Variants in JKAMP observed in about 807,000 individuals in gnomAD.
The protein encoded by JKAMP is JNK1/MAPK8-associated membrane protein.
In JKAMP, 20 loss-of-function variants were observed where a neutral mutation model predicts 40.2. The observed-to-expected ratio is 0.50, with a 90% CI of 0.35 to 0.72. The LOEUF is 0.72. Among genes scored for constraint, JKAMP ranks in the 30% least tolerant of loss-of-function variants. The probability of loss-of-function intolerance (pLI) is 0.01; values close to 1 mark genes in which losing one functional copy is unlikely to be tolerated. For missense variants in JKAMP, 276 were observed against 373.0 expected (o/e 0.74, Z 2.14); for synonymous variants, 138 against 131.6 (o/e 1.05, Z -0.33).
intron 4 of JKAMP, among the ~76,000 whole-genome samples, chr14:59,497,771 G>A (rs1387955291): frequency 1.3e-5 from 2 of 152,094 alleles, no homozygotes; most frequent in Non-Finnish European, 2.9e-5. Context: ...ATGCATTACT[G>A]TACAGGACTG....
intron 3 of JKAMP, among the ~76,000 whole-genome samples, chr14:59,494,653 G>C (rs763900489): frequency 1.4e-4 from 22 of 152,180 alleles, no homozygotes; most frequent in Non-Finnish European, 2.2e-4. Flanking sequence ...CAGTGTTCTA[G>C]TTATTGGGTA....
intron 3 of JKAMP, 77 bp from the exon 4 acceptor site, chr14:59,494,941 G>T: frequency 1.0e-6 from 1 of 988,910 alleles, no homozygotes; most frequent in Non-Finnish European, 1.6e-6. Flanking sequence ...TCTGTATCTT[G>T]ACACATGTAC....
At chr14:59,485,056 CGTTCGCTAAAGGAAAT>C (rs1566571007) in intron 1 of JKAMP, 1 of 1,598,360 alleles carries the variant, frequency 6.3e-7, no homozygotes, top group Admixed American at 1.7e-5. Flanking sequence ...CTTTAGCCAT[CGTTCGCTAAAGGAAAT>C]GAAAGGAGAA....
rs1337082012 is a variant in JKAMP, at chr14:59,484,558, A to C, written c.-32A>C. The C allele has an allele frequency of 6.4e-7, 1 of 1,568,450 alleles. No individual in the cohort carries two copies. The highest frequency in any genetic ancestry group is 2.4e-5 in the East Asian group (1 of 42,200). On this transcript the variant is annotated 5_prime_UTR_variant, in exon 1 of 7. Transcript: ENST00000616435. Reference sequence around the variant, plus strand: ...GTGCAGCTGCCAGATCCGCTGATCTAGTGCTTCTCGAAAAAAACCTTCAGG... The same window carrying C: ...GTGCAGCTGCCAGATCCGCTGATCTCGTGCTTCTCGAAAAAAACCTTCAGG...
chr14:59,487,497 G>A, intron 2 of JKAMP, 177 bp from the exon 3 acceptor site: 1 of 516,318 alleles, frequency 1.9e-6, no homozygotes, highest in South Asian at 3.2e-5. Context: ...TACAAATATA[G>A]CACATACAAT....
chr14:59,488,508 T>C (rs1375353963), intron 3 of JKAMP, among the ~76,000 whole-genome samples: 1 of 152,126 alleles, frequency 6.6e-6, no homozygotes, highest in Admixed American at 6.5e-5. Context: ...AATAATGGCA[T>C]AGAGGTATGA....
chr14:59,485,197 G>A (rs1814400844), intron 1 of JKAMP: 7 of 1,459,312 alleles, frequency 4.8e-6, no homozygotes, highest in Non-Finnish European at 5.6e-6. Flanking sequence ...TTAGATTATT[G>A]ATATTCACGT....
At chr14:59,502,046 TA>T (rs1891919971) in intron 6 of JKAMP, among the ~76,000 whole-genome samples, 1 of 152,178 alleles carries the variant, frequency 6.6e-6, no homozygotes, top group Non-Finnish European at 1.5e-5. Flanking sequence ...TGAGAAGTAG[TA>T]GTGTATTTGA....
In JKAMP at chr14:59,498,709, CTTTAT is replaced by C; in HGVS notation, c.459-8_459-4del. On this transcript the variant is annotated splice_polypyrimidine_tract_variant and intron_variant, in intron 4 of 6. Coordinates refer to ENST00000616435, the MANE Select transcript of JKAMP (RefSeq NM_016475.5). ...TAAAACATTTTTGATGTTACAAATT[CTTTAT>C]TTTATTTTACAGATATACCATTGTA... The C allele has an allele frequency of 7.8e-7, 1 of 1,287,898 alleles. No homozygotes were observed. Among genetic ancestry groups the C allele is most frequent in the Non-Finnish European group, 1.1e-6 (1 of 926,904 alleles). The allele number at this position is 1,287,898 out of a possible 1,614,324, so 79.8% of individuals were successfully genotyped here.
intron 6 of JKAMP, among the ~76,000 whole-genome samples, chr14:59,503,618 G>A (rs112531061): frequency 7.8e-4 from 119 of 152,220 alleles, no homozygotes; most frequent in South Asian, 5.8e-3. Context: ...ACATGATGAC[G>A]TAGCTTTCGT....
chr14:59,501,814 T>C (rs1040329768), intron 6 of JKAMP, among the ~76,000 whole-genome samples: 10 of 152,190 alleles, frequency 6.6e-5, no homozygotes, highest in Admixed American at 2.0e-4. Flanking sequence ...ACAGTATTCA[T>C]TTTGTACCTC....
Position 59,505,195 on chromosome 14 carries a change from TGTA to T in JKAMP, c.*1129_*1131del. The stretch of plus-strand genomic sequence containing the variant: ...TGAAAGTAAGTGCACTCACTTTTCC[TGTA>T]GTAGTCTGTCTTTTGAATTCACAGC... On this transcript the variant is annotated 3_prime_UTR_variant, in exon 7 of 7. Transcript: ENST00000616435. 1.9e-6 allele frequency: 2 copies of T among 1,035,296 alleles called. No homozygotes were observed. Among genetic ancestry groups the T allele is most frequent in the East Asian group, 2.7e-5 (1 of 37,716 alleles). The allele number at this position is 1,035,296 out of a possible 1,614,324, so 64.1% of individuals were successfully genotyped here.
rs779218644 is a variant in JKAMP at position 59,498,895 on chromosome 14, T to C, written c.627T>C (p.Gly209=). The C allele has an allele frequency of 4.4e-6, 7 of 1,604,940 alleles. No homozygotes were observed. The South Asian group carries it at 7.8e-5, about 18-fold the overall frequency. The change falls in exon 5 of 7, where the codon GGT becomes GGC. Residue 209 remains glycine, a synonymous_variant. Coordinates refer to ENST00000616435, the MANE Select transcript of JKAMP (RefSeq NM_016475.5). The part of the protein sequence containing the change: ...FPILTVLQAV[G]GGLLYYAFPY... ...TTTTAACCGTGCTTCAGGCAGTTGG[T>C]GGAGGCCTTTTATGTAAGTTTGATG...
chr14:59,485,383 G>A, intron 1 of JKAMP: 1 of 351,840 alleles, frequency 2.8e-6, no homozygotes, highest in Non-Finnish European at 5.1e-6. Context: ...GGTTTAAAAA[G>A]CTAAGTCCGA....
At chr14:59,498,613 T>C (rs951270141) in intron 4 of JKAMP, 114 bp from the exon 5 acceptor site, 18 of 604,846 alleles carry the variant, frequency 3.0e-5, no homozygotes, top group Non-Finnish European at 4.7e-5. Flanking sequence ...ATCCAATGGA[T>C]AGAGTAAATA....
chr14:59,491,360 T>C (rs913465765), intron 3 of JKAMP, among the ~76,000 whole-genome samples: 1 of 152,216 alleles, frequency 6.6e-6, no homozygotes. Context: ...AGAGGAGTTC[T>C]AAAATTGTAT....
chr14:59,487,079 T>C (rs1291880971), intron 2 of JKAMP: 7 of 232,456 alleles, frequency 3.0e-5, no homozygotes, highest in Non-Finnish European at 5.8e-5. Flanking sequence ...TGTGTGCGCC[T>C]GTAGTCCCAG....
At chr14:59,500,608 GTTACTC>G (rs1891804426) in intron 5 of JKAMP, among the ~76,000 whole-genome samples, 1 of 152,124 alleles carries the variant, frequency 6.6e-6, no homozygotes, top group Non-Finnish European at 1.5e-5. Context: ...TTAAAGCTGA[GTTACTC>G]TTATAGATAA....
chr14:59,490,840 A>T (rs926221914), intron 3 of JKAMP, among the ~76,000 whole-genome samples: 1 of 152,258 alleles, frequency 6.6e-6, no homozygotes, highest in African/African-American at 2.4e-5. Context: ...TTCTCAGCCC[A>T]CAGTAAAGAA....
Sources: allele counts gnomAD v4.1 joint callset (sites outside exome capture counted in the v4.1 genomes callset), GRCh38; gene constraint gnomAD v4.1.1; transcripts MANE v1.5; gene names NCBI Gene and HGNC (gene_info 2026-07-23, HGNC 2026-07-21).